Variants in CAMK1D observed in about 807,000 individuals in gnomAD.
The protein encoded by CAMK1D is calcium/calmodulin-dependent protein kinase type 1D.
A neutral mutation model predicts 47.7 loss-of-function variants in CAMK1D; 9 were observed. That is an observed-to-expected ratio of 0.19 (90% CI 0.11 to 0.33). CAMK1D has a LOEUF of 0.33. Ranked by LOEUF, CAMK1D falls within the 10% of genes least tolerant of loss-of-function variation. The pLI, the probability that CAMK1D is intolerant of heterozygous loss-of-function variation, is 1.00. For synonymous variants in CAMK1D, 184 were observed against 184.9 expected, an observed-to-expected ratio of 0.99 and a Z score of 0.04; for missense variants, 291 against 488.7, an observed-to-expected ratio of 0.60 and a Z score of 3.81.
At chr10:12,544,247 T>C (rs750568073) in intron 1 of CAMK1D, among the ~76,000 whole-genome samples, 43 of 152,250 alleles carry the variant, frequency 2.8e-4, no homozygotes, top group Non-Finnish European at 5.9e-4. Context: ...TGATGGAAAT[T>C]TGGTGTTTTT....
At chr10:12,470,690 T>A (rs1443231931) in intron 1 of CAMK1D, among the ~76,000 whole-genome samples, 1 of 152,116 alleles carries the variant, frequency 6.6e-6, no homozygotes, top group Non-Finnish European at 1.5e-5. Flanking sequence ...CTAATTTTTG[T>A]GTTTTTGGTA....
intron 6 of CAMK1D, among the ~76,000 whole-genome samples, chr10:12,810,798 C>T (rs7906817): frequency 5.9e-5 from 9 of 152,180 alleles, no homozygotes; most frequent in Non-Finnish European, 1.3e-4. Context: ...CCTAAAAATC[C>T]GACAGAATAG....
In CAMK1D at chr10:12,829,411, G is replaced by C. The variant is rs1833378431; in HGVS notation, c.*524G>C. ...TTAAGAGATTTGTTTTTCCTCAAAG[G>C]AGAATTTAAAGGTATTTTTTAAAAT... is the stretch of plus-strand genomic sequence containing the variant. On this transcript the variant is annotated 3_prime_UTR_variant, in exon 11 of 11. Transcript: ENST00000619168. 6.6e-6 allele frequency: 1 copy of C among 152,416 alleles called. No homozygotes were observed. Among genetic ancestry groups the C allele is most frequent in the Non-Finnish European group, 1.5e-5 (1 of 68,036 alleles). The allele number at this position is 152,416 out of a possible 1,614,324, so 9.4% of individuals were successfully genotyped here.
intron 1 of CAMK1D, among the ~76,000 whole-genome samples, chr10:12,488,816 C>T (rs1021035229): frequency 2.0e-5 from 3 of 152,144 alleles, no homozygotes; most frequent in Admixed American, 6.5e-5. Flanking sequence ...AATCTAATGG[C>T]GCCGCTGATC....
chr10:12,521,246 T>C (rs1835407362), intron 1 of CAMK1D, among the ~76,000 whole-genome samples: 1 of 152,200 alleles, frequency 6.6e-6, no homozygotes, highest in South Asian at 2.1e-4. Context: ...ATTTCTCATA[T>C]AAGCACTTAA....
At chr10:12,365,274 T>A (rs950851795) in intron 1 of CAMK1D, among the ~76,000 whole-genome samples, 10 of 151,746 alleles carry the variant, frequency 6.6e-5, no homozygotes, top group Middle Eastern at 3.2e-3. Flanking sequence ...TGAGTCCTGA[T>A]GACCTTGTTT....
chr10:12,371,665 AG>A (rs1269605477), intron 1 of CAMK1D, among the ~76,000 whole-genome samples: 1 of 151,842 alleles, frequency 6.6e-6, no homozygotes, highest in Non-Finnish European at 1.5e-5. Flanking sequence ...TGGGAGGCCA[AG>A]GCGGGTGGAT....
chr10:12,406,720 C>G, intron 1 of CAMK1D, among the ~76,000 whole-genome samples: 1 of 34,008 alleles, frequency 2.9e-5, no homozygotes, highest in East Asian at 1.1e-3. Flanking sequence ...GAGACCCTGT[C>G]TCAAAAAAAA....
chr10:12,785,039 C>T (rs187446630), intron 5 of CAMK1D, among the ~76,000 whole-genome samples: 5 of 152,102 alleles, frequency 3.3e-5, no homozygotes, highest in Non-Finnish European at 5.9e-5. Context: ...GGAACCCAAC[C>T]GTTGTGCCCA....
chr10:12,773,541 G>T (rs1837138103), intron 5 of CAMK1D, among the ~76,000 whole-genome samples: 1 of 151,990 alleles, frequency 6.6e-6, no homozygotes, highest in African/African-American at 2.4e-5. Flanking sequence ...TTGATCTGTG[G>T]ATCCGCATAT....
At chr10:12,570,211 A>G (rs1431625698) in intron 2 of CAMK1D, among the ~76,000 whole-genome samples, 4 of 152,036 alleles carry the variant, frequency 2.6e-5, no homozygotes, top group Non-Finnish European at 5.9e-5. Flanking sequence ...AAAAAAGTAT[A>G]TATATATATT....
intron 9 of CAMK1D, 86 bp from the exon 10 acceptor site, chr10:12,825,487 C>G (rs1028938722): frequency 1.5e-6 from 2 of 1,316,176 alleles, no homozygotes; most frequent in Admixed American, 2.0e-5. Context: ...AATGCTTAGG[C>G]TAATGTGATA....
At chr10:12,818,721 C>G (rs1343284960) in intron 8 of CAMK1D, among the ~76,000 whole-genome samples, 1 of 150,670 alleles carries the variant, frequency 6.6e-6, no homozygotes, top group African/African-American at 2.5e-5. Flanking sequence ...ACACAGCTAG[C>G]TAATAGCAAA....
chr10:12,366,889 A>G (rs541639243), intron 1 of CAMK1D, among the ~76,000 whole-genome samples: 1 of 152,224 alleles, frequency 6.6e-6, no homozygotes, highest in Non-Finnish European at 1.5e-5. Flanking sequence ...TATCCCCTAT[A>G]AGATAGAGTC....
In CAMK1D at chr10:12,829,156, C is replaced by G; in HGVS notation, c.*269C>G. 2.8e-6 allele frequency: 1 copy of G among 362,622 alleles called. No homozygotes were observed. The highest frequency in any genetic ancestry group is 5.0e-6 in the Non-Finnish European group (1 of 201,788). 22.5% of individuals were successfully genotyped at this position (362,622 alleles called of 1,614,324 possible). A position where few individuals can be genotyped will look rare whatever the true frequency, so the allele number is the denominator to read the frequency against. On this transcript the variant is annotated 3_prime_UTR_variant, in exon 11 of 11. Transcript: ENST00000619168. ...GCAAAGCTCTAACTGAACGGACCTT[C>G]TTATTCCTCTCCCCTAACACCATCG... is the stretch of plus-strand genomic sequence containing the variant.
At chr10:12,673,962 A>G (rs867792786) in intron 3 of CAMK1D, among the ~76,000 whole-genome samples, 2 of 151,518 alleles carry the variant, frequency 1.3e-5, no homozygotes, top group African/African-American at 4.9e-5. Flanking sequence ...TTTTTTTTTC[A>G]GTAGTTGGGC....
At chr10:12,652,124 T>G (rs998353877) in intron 2 of CAMK1D, among the ~76,000 whole-genome samples, 39 of 152,136 alleles carry the variant, frequency 2.6e-4, no homozygotes, top group African/African-American at 9.4e-4. Flanking sequence ...TTTGAAAATG[T>G]GTCAGTAATA....
At chr10:12,681,215 G>A (rs531821478) in intron 3 of CAMK1D, among the ~76,000 whole-genome samples, 5 of 152,292 alleles carry the variant, frequency 3.3e-5, no homozygotes, top group South Asian at 4.1e-4. Flanking sequence ...CATCCTGATC[G>A]CCACCACTCC....
chr10:12,752,073 C>T (rs1279366937), intron 3 of CAMK1D, among the ~76,000 whole-genome samples: 1 of 151,910 alleles, frequency 6.6e-6, no homozygotes, highest in African/African-American at 2.4e-5. Flanking sequence ...TGGCCGCCTC[C>T]CAGGTTTTCA....
Sources: allele counts gnomAD v4.1 joint callset (sites outside exome capture counted in the v4.1 genomes callset), GRCh38; gene constraint gnomAD v4.1.1; transcripts MANE v1.5; gene names NCBI Gene and HGNC (gene_info 2026-07-23, HGNC 2026-07-21).